Variants in SNRPN observed in about 807,000 individuals in gnomAD.
The protein encoded by SNRPN is small nuclear ribonucleoprotein-associated protein N.
In SNRPN, 7 loss-of-function variants were observed where a neutral mutation model predicts 25.2. The observed-to-expected ratio is 0.28, with a 90% CI of 0.16 to 0.52. The LOEUF is 0.52. SNRPN is among the 20% of genes least tolerant of loss of function. The probability of loss-of-function intolerance (pLI) is 0.96; values close to 1 mark genes in which losing one functional copy is unlikely to be tolerated. For missense variants in SNRPN, 196 were observed against 322.5 expected, an observed-to-expected ratio of 0.61 and a Z score of 3.00; for synonymous variants, 124 against 110.6, an observed-to-expected ratio of 1.12 and a Z score of -0.76.
chr15:24,966,809 G>T (rs543488425), intron 2 of SNRPN, among the ~76,000 whole-genome samples: 17 of 152,170 alleles, frequency 1.1e-4, no homozygotes, highest in Non-Finnish European at 1.9e-4. Context: ...ATCCTTACAT[G>T]CCAACAAGGG....
chr15:24,873,014 G>C (rs2055355299), intron 1 of SNRPN, among the ~76,000 whole-genome samples: 1 of 121,824 alleles, frequency 8.2e-6, no homozygotes, highest in Non-Finnish European at 1.8e-5. Context: ...CCTTATGCCA[G>C]TACCACAATG....
intron 3 of SNRPN, among the ~76,000 whole-genome samples, chr15:24,945,100 T>C (rs531262342): frequency 2.6e-5 from 4 of 152,102 alleles, no homozygotes; most frequent in Non-Finnish European, 5.9e-5. Flanking sequence ...ACACATAAGA[T>C]CACTATCACA....
At chr15:24,889,372 C>G (rs184625999) in intron 2 of SNRPN, among the ~76,000 whole-genome samples, 1 of 151,508 alleles carries the variant, frequency 6.6e-6, no homozygotes, top group Non-Finnish European at 1.5e-5. Flanking sequence ...GCACGATCTC[C>G]GCTCACTGCA....
chr15:24,951,007 C>T (rs933284456), upstream of SNRPN, among the ~76,000 whole-genome samples: 9 of 152,052 alleles, frequency 5.9e-5, no homozygotes, highest in East Asian at 3.9e-4. Flanking sequence ...TGCAGGCGCC[C>T]GCCACCATGC....
At chr15:24,963,555 C>T (rs796176506) in intron 2 of SNRPN, among the ~76,000 whole-genome samples, 25 of 148,288 alleles carry the variant, frequency 1.7e-4, no homozygotes, top group African/African-American at 6.3e-4. Context: ...ACGGAGGTTG[C>T]AATGAGCTAA....
At chr15:24,914,065 T>A (rs777365440) in intron 2 of SNRPN, among the ~76,000 whole-genome samples, 34 of 152,226 alleles carry the variant, frequency 2.2e-4, no homozygotes, top group Non-Finnish European at 4.4e-4. Context: ...GGTTAGCCTT[T>A]GTTCTCCCTG....
At chr15:24,847,800 A>C (rs1487892593) in intron 2 of SNRPN, among the ~76,000 whole-genome samples, 1 of 152,198 alleles carries the variant, frequency 6.6e-6, no homozygotes, top group East Asian at 1.9e-4. Flanking sequence ...TGATTTACAA[A>C]TACGGATGTA....
intron 3 of SNRPN, among the ~76,000 whole-genome samples, chr15:24,928,128 G>A (rs1361354363): frequency 3.3e-5 from 5 of 152,146 alleles, no homozygotes; most frequent in Non-Finnish European, 7.3e-5. Flanking sequence ...TATACTTTTG[G>A]TGGGAATGTG....
chr15:24,930,890 G>A (rs1398224635), intron 3 of SNRPN, among the ~76,000 whole-genome samples: 1 of 149,162 alleles, frequency 6.7e-6, no homozygotes, highest in Non-Finnish European at 1.5e-5. Flanking sequence ...CAAAGCAAGA[G>A]TCTGTCTCAG....
At chr15:24,939,518 C>T (rs973653830) in intron 3 of SNRPN, among the ~76,000 whole-genome samples, 2 of 152,248 alleles carry the variant, frequency 1.3e-5, no homozygotes, top group East Asian at 1.9e-4. Flanking sequence ...CTGCAACCTC[C>T]GTCTCCTGGG....
At chr15:24,975,774 T>C (rs1162892716) in intron 5 of SNRPN, among the ~76,000 whole-genome samples, 2 of 152,150 alleles carry the variant, frequency 1.3e-5, no homozygotes, top group Non-Finnish European at 2.9e-5. Context: ...ATTTTTAAAA[T>C]TGAGAAAAAT....
At chr15:24,949,824 T>C (rs1267625516) in intron 3 of SNRPN, among the ~76,000 whole-genome samples, 1 of 151,950 alleles carries the variant, frequency 6.6e-6, no homozygotes, top group African/African-American at 2.4e-5. Flanking sequence ...CTTTTTCTTT[T>C]CTTTCTTTCT....
At chr15:24,914,488 C>G (rs536611062) in intron 2 of SNRPN, among the ~76,000 whole-genome samples, 102 of 152,142 alleles carry the variant, frequency 6.7e-4, no homozygotes, top group Middle Eastern at 6.8e-3. Context: ...CACTTGAGCC[C>G]AGGGTTTGAG....
At chr15:24,879,198 G>T (rs1257736513) in intron 1 of SNRPN, among the ~76,000 whole-genome samples, 2 of 152,134 alleles carry the variant, frequency 1.3e-5, no homozygotes, top group African/African-American at 4.8e-5. Context: ...ACTTTGGGCG[G>T]CCGAGGCAGG....
At chr15:24,924,704 G>T (rs2060269078) in intron 3 of SNRPN, among the ~76,000 whole-genome samples, 1 of 151,542 alleles carries the variant, frequency 6.6e-6, no homozygotes, top group Non-Finnish European at 1.5e-5. Context: ...GCCTAGGCTG[G>T]TCTCCAATTC....
intron 1 of SNRPN, among the ~76,000 whole-genome samples, chr15:24,956,048 C>T (rs1176980492): frequency 6.6e-6 from 1 of 152,052 alleles, no homozygotes; most frequent in Admixed American, 6.5e-5. Context: ...CTGCGCAATG[C>T]CTACACTGCC....
upstream of SNRPN, among the ~76,000 whole-genome samples, chr15:24,854,081 TTTG>T (rs57037015): frequency 0.11 from 16,993 of 152,224 alleles, 1,014 homozygotes; most frequent in Middle Eastern, 0.17. Context: ...ACTAGTTTAT[TTTG>T]TTGTTCAAAA....
chr15:24,864,339 CTTTTTT>C (rs58622804), intron 1 of SNRPN, among the ~76,000 whole-genome samples: 25 of 117,234 alleles, frequency 2.1e-4, no homozygotes, highest in Non-Finnish European at 2.2e-4. Flanking sequence ...CTCTTCTTTT[CTTTTTT>C]TTTTTTTTTT....
At chr15:24,882,902 C>T (rs1169596718) in intron 1 of SNRPN, among the ~76,000 whole-genome samples, 1 of 151,570 alleles carries the variant, frequency 6.6e-6, no homozygotes, top group East Asian at 1.9e-4. Flanking sequence ...TTGATTGGCC[C>T]AGCCTTGAGC....
Sources: gnomAD v4.1 joint callset for allele counts (sites outside exome capture counted in the v4.1 genomes callset) on GRCh38, gnomAD v4.1.1 for gene constraint, MANE v1.5 for transcripts, NCBI Gene and HGNC (gene_info 2026-07-23, HGNC 2026-07-21) for gene names.